Variants in ANO2 observed in about 807,000 individuals in gnomAD.
The protein encoded by ANO2 is anoctamin-2.
ANO2 carries 101 observed loss-of-function variants against 124.2 expected under a neutral mutation model. The observed-to-expected ratio is 0.81, with a 90% CI of 0.69 to 0.96. The LOEUF (loss-of-function observed/expected upper bound fraction) is 0.96, where lower values mean the gene tolerates loss of function less well. Ranked by LOEUF, ANO2 falls within the 40% of genes least tolerant of loss-of-function variation. The probability of loss-of-function intolerance (pLI) is 0.00; values close to 1 mark genes in which losing one functional copy is unlikely to be tolerated. For missense variants in ANO2, 1,293 were observed against 1,274.5 expected (o/e 1.01, Z -0.22); for synonymous variants, 486 against 482.5 (o/e 1.01, Z -0.09).
chr12:5,767,626 G>T (rs73253280), intron 10 of ANO2, among the ~76,000 whole-genome samples: 1 of 152,206 alleles, frequency 6.6e-6, no homozygotes, highest in Non-Finnish European at 1.5e-5. Context: ...ATTAGGATTA[G>T]ATTCAGATGG....
At position 5,940,291 on chromosome 12, in the gene ANO2, T is replaced by G. The variant is rs186340526; in HGVS notation, c.22+4905A>C. Among the ~76,000 whole-genome samples the G allele has an allele frequency of 3.3e-5, 5 of 152,332 alleles. No homozygotes were observed. In the East Asian group the frequency reaches 9.6e-4, roughly 29 times the overall value. On this transcript the variant is annotated intron_variant, in intron 1 of 24. Coordinates refer to ENST00000682330, the MANE Select transcript of ANO2 (RefSeq NM_001364791.2). ...ATCATTTAGGCACAAGTTAACTACA[T>G]TTAGCAAAATTTAGCATTTGAATTT... is the stretch of plus-strand genomic sequence containing the variant.
At chr12:5,591,256 T>A (rs1943381577) in intron 20 of ANO2, among the ~76,000 whole-genome samples, 1 of 152,166 alleles carries the variant, frequency 6.6e-6, no homozygotes, top group Non-Finnish European at 1.5e-5. Flanking sequence ...AGTATCCCAA[T>A]GTAGTACAGG....
rs1181326515 is a variant in ANO2 at position 5,920,069 on chromosome 12, ATG to A, written c.534+969_534+970del. Among the ~76,000 whole-genome samples the A allele has an allele frequency of 4.9e-3, 535 of 110,110 alleles. 3 individuals carry two copies. Among genetic ancestry groups the A allele is most frequent in the Non-Finnish European group, 8.6e-3 (379 of 44,146 alleles). The allele number at this position is 110,110 out of a possible 152,430, so 72.2% of individuals were successfully genotyped here. ...GATGGATGGATGGATGGATGGATGG[ATG>A]GATGGATGGATGCATGCATGCATGC... On this transcript the variant is annotated intron_variant, in intron 3 of 24. Transcript: ENST00000682330.
At chr12:5,837,427 C>T (rs1239890225) in intron 4 of ANO2, among the ~76,000 whole-genome samples, 1 of 145,556 alleles carries the variant, frequency 6.9e-6, no homozygotes, top group Non-Finnish European at 1.5e-5. Flanking sequence ...GCTGCACCCA[C>T]TAACTCGTCA....
At chr12:5,659,304 T>C (rs1947328768) in intron 14 of ANO2, among the ~76,000 whole-genome samples, 2 of 152,314 alleles carry the variant, frequency 1.3e-5, no homozygotes, top group African/African-American at 4.8e-5. Flanking sequence ...ACATCTTTCC[T>C]TTCACTGAGC....
chr12:5,849,295 G>A (rs1954790892), intron 4 of ANO2, among the ~76,000 whole-genome samples: 1 of 152,200 alleles, frequency 6.6e-6, no homozygotes, highest in Non-Finnish European at 1.5e-5. Context: ...GTCCCTAATA[G>A]CCTGCATCGA....
chr12:5,865,767 A>C (rs954487930), intron 3 of ANO2, among the ~76,000 whole-genome samples: 1 of 146,636 alleles, frequency 6.8e-6, no homozygotes, highest in African/African-American at 2.7e-5. Context: ...ACCATCATGC[A>C]TTCACACCAT....
intron 14 of ANO2, among the ~76,000 whole-genome samples, chr12:5,692,003 T>C (rs558679533): frequency 1.3e-5 from 2 of 151,972 alleles, no homozygotes; most frequent in African/African-American, 2.4e-5. Flanking sequence ...TGGGCTATAA[T>C]GGGGAAAGTC....
chr12:5,572,245 G>A (rs1012203037), intron 23 of ANO2, among the ~76,000 whole-genome samples: 1 of 151,924 alleles, frequency 6.6e-6, no homozygotes, highest in African/African-American at 2.4e-5. Flanking sequence ...CCTCTCACCT[G>A]AGCCTGTCTC....
In ANO2 at chr12:5,869,842, A is replaced by C. The variant is rs138012826; in HGVS notation, c.535-15701T>G. Reference sequence around the variant, plus strand: ...TTCAGCTGATAACTTCAAAACCAATAATCATGATAAAAATAATCAGGACAA... The same window carrying C: ...TTCAGCTGATAACTTCAAAACCAATCATCATGATAAAAATAATCAGGACAA... On this transcript the variant is annotated intron_variant, in intron 3 of 24. Coordinates refer to ENST00000682330, the MANE Select transcript of ANO2 (RefSeq NM_001364791.2). Among the ~76,000 whole-genome samples the C allele has an allele frequency of 1.9e-3, 294 of 152,258 alleles. 1 individual carries two copies. Among genetic ancestry groups the C allele is most frequent in the African/African-American group, 6.9e-3 (285 of 41,554 alleles).
chr12:5,923,176 ACACACACATACACACACACG>A (rs1565784110), intron 1 of ANO2, among the ~76,000 whole-genome samples: 3,062 of 45,562 alleles, frequency 0.067, 206 homozygotes, highest in Non-Finnish European at 0.088. Flanking sequence ...ACACACACGC[ACACACACATACACACACACG>A]CACGCACACA....
chr12:5,578,034 G>A (rs1306435506), intron 21 of ANO2, 27 bp from the exon 22 acceptor site: 2 of 1,610,428 alleles, frequency 1.2e-6, no homozygotes, highest in East Asian at 4.5e-5. Context: ...ACAGCGTCTG[G>A]CTCACTCCCG....
At chr12:5,910,628 T>C (rs1175057623) in intron 3 of ANO2, among the ~76,000 whole-genome samples, 1 of 152,214 alleles carries the variant, frequency 6.6e-6, no homozygotes, top group African/African-American at 2.4e-5. Context: ...TTGTGGATTC[T>C]ACCCCTGAAT....
chr12:5,593,485 T>C (rs903659672), intron 20 of ANO2, among the ~76,000 whole-genome samples: 1 of 152,196 alleles, frequency 6.6e-6, no homozygotes, highest in Non-Finnish European at 1.5e-5. Context: ...AGGCTTCTGA[T>C]TCTTAGGTAT....
chr12:5,869,113 C>T lies in ANO2; in HGVS notation c.535-14972G>A, dbSNP rs1449055129. Among the ~76,000 whole-genome samples, 5 of 152,168 alleles carry T rather than the reference C, an allele frequency of 3.3e-5. No homozygotes were observed. The East Asian group carries it at 7.7e-4, about 24-fold the overall frequency. The stretch of plus-strand genomic sequence containing the variant: ...CAGGAGGTGAACAGGAAGTAGGGGT[C>T]GAGAAGCCTGCAGGAAGTCCAAATG... On this transcript the variant is annotated intron_variant, in intron 3 of 24. Coordinates refer to ENST00000682330, the MANE Select transcript of ANO2 (RefSeq NM_001364791.2).
At chr12:5,671,951 A>AC (rs1372539256) in intron 14 of ANO2, among the ~76,000 whole-genome samples, 1 of 152,078 alleles carries the variant, frequency 6.6e-6, no homozygotes, top group Non-Finnish European at 1.5e-5. Context: ...TTGCTCAGTC[A>AC]CCTCTGCAAC....
chr12:5,703,910 G>A (rs1213741628), intron 14 of ANO2, among the ~76,000 whole-genome samples: 1 of 152,076 alleles, frequency 6.6e-6, no homozygotes, highest in Non-Finnish European at 1.5e-5. Flanking sequence ...AATAGTATCA[G>A]TTTCCTCTAA....
At chr12:5,717,323 A>G (rs1229085056) in intron 14 of ANO2, among the ~76,000 whole-genome samples, 1 of 152,226 alleles carries the variant, frequency 6.6e-6, no homozygotes, top group East Asian at 1.9e-4. Context: ...CCCAGAGGGT[A>G]TGGAATTGCA....
chr12:5,695,522 T>C lies in ANO2; in HGVS notation c.1545+36998A>G, dbSNP rs184978894. Among the ~76,000 whole-genome samples the C allele has an allele frequency of 8.5e-4, 129 of 152,260 alleles. 1 individual carries two copies. Among genetic ancestry groups the C allele is most frequent in the African/African-American group, 1.9e-3 (80 of 41,554 alleles). ...ACAAACCTATCCACCCCTACATCAA[T>C]AGAAATGCAAAACACACTTCTAAAT... On this transcript the variant is annotated intron_variant, in intron 14 of 24. Transcript: ENST00000682330.
Sources: gnomAD v4.1 joint callset for allele counts (sites outside exome capture counted in the v4.1 genomes callset) on GRCh38, gnomAD v4.1.1 for gene constraint, MANE v1.5 for transcripts, NCBI Gene and HGNC (gene_info 2026-07-23, HGNC 2026-07-21) for gene names.